Variants in NUDCD3 observed in about 807,000 individuals in gnomAD.
NUDCD3 encodes the protein NudC domain containing 3, also known as nudC domain-containing protein 3.
A neutral mutation model predicts 39.7 loss-of-function variants in NUDCD3; 13 were observed. The observed-to-expected ratio is 0.33, with a 90% CI of 0.21 to 0.52. The LOEUF (loss-of-function observed/expected upper bound fraction) is 0.52, where lower values mean the gene tolerates loss of function less well. NUDCD3 is among the 20% of genes least tolerant of loss of function. NUDCD3 has a pLI of 0.96. For missense variants in NUDCD3, 453 were observed against 458.1 expected (o/e 0.99, Z 0.10); for synonymous variants, 175 against 172.4 (o/e 1.02, Z -0.12).
intron 5 of NUDCD3, 59 bp downstream of exon 5, chr7:44,392,238 G>T: frequency 6.6e-7 from 1 of 1,514,094 alleles, no homozygotes; most frequent in Non-Finnish European, 9.1e-7. Flanking sequence ...GCCACTATCG[G>T]CCTTGTCACC....
At chr7:44,405,515 T>G (rs1273371566) in intron 3 of NUDCD3, among the ~76,000 whole-genome samples, 2 of 152,238 alleles carry the variant, frequency 1.3e-5, no homozygotes, top group Non-Finnish European at 2.9e-5. Context: ...CTGTATAATG[T>G]ATGCATTAAG....
At chr7:44,456,021 G>A (rs1212040104) in intron 2 of NUDCD3, among the ~76,000 whole-genome samples, 8 of 69,502 alleles carry the variant, frequency 1.2e-4, no homozygotes, top group Middle Eastern at 0.019. Flanking sequence ...GCGAGACTCC[G>A]TCTCAAAAAA....
intron 2 of NUDCD3, among the ~76,000 whole-genome samples, chr7:44,459,054 T>C (rs893817952): frequency 5.3e-5 from 8 of 151,664 alleles, no homozygotes; most frequent in African/African-American, 1.9e-4. Context: ...CACAGTATAT[T>C]GACAATGGCT....
intron 2 of NUDCD3, among the ~76,000 whole-genome samples, chr7:44,447,200 T>C (rs886955844): frequency 1.3e-5 from 2 of 152,234 alleles, no homozygotes; most frequent in Non-Finnish European, 2.9e-5. Context: ...GGATGGTCCG[T>C]GCAAGTTTGA....
chr7:44,436,903 A>C (rs1169649034), intron 2 of NUDCD3, among the ~76,000 whole-genome samples: 1 of 152,154 alleles, frequency 6.6e-6, no homozygotes, highest in Non-Finnish European at 1.5e-5. Context: ...TCTTCATTTT[A>C]ATATAGTCAA....
intron 2 of NUDCD3, among the ~76,000 whole-genome samples, chr7:44,471,450 T>C (rs192588231): frequency 6.6e-6 from 1 of 152,330 alleles, no homozygotes; most frequent in Admixed American, 6.5e-5. Flanking sequence ...CTGTACATGG[T>C]AACAACCAGC....
At chr7:44,465,409 G>C (rs1448342204) in intron 2 of NUDCD3, among the ~76,000 whole-genome samples, 1 of 152,206 alleles carries the variant, frequency 6.6e-6, no homozygotes, top group Non-Finnish European at 1.5e-5. Flanking sequence ...CACCCACTGA[G>C]ACTGATGTGG....
At chr7:44,482,929 A>C (rs532894424) in intron 2 of NUDCD3, among the ~76,000 whole-genome samples, 1 of 152,332 alleles carries the variant, frequency 6.6e-6, no homozygotes, top group South Asian at 2.1e-4. Flanking sequence ...AGGGCTAAAA[A>C]ATAAACTATC....
At chr7:44,484,697 G>A (rs1800567828) in intron 2 of NUDCD3, 3 of 378,246 alleles carry the variant, frequency 7.9e-6, no homozygotes, top group African/African-American at 4.1e-5. Context: ...TTAGGTCTTT[G>A]TGAGAGGAGT....
intron 2 of NUDCD3, among the ~76,000 whole-genome samples, chr7:44,459,143 T>A (rs1236781894): frequency 6.6e-6 from 1 of 152,168 alleles, no homozygotes; most frequent in Non-Finnish European, 1.5e-5. Context: ...GTTTTAAAAA[T>A]TTATTCCTAA....
chr7:44,434,338 G>T (rs1254769194), intron 2 of NUDCD3, among the ~76,000 whole-genome samples: 1 of 152,046 alleles, frequency 6.6e-6, no homozygotes, highest in East Asian at 1.9e-4. Flanking sequence ...CTTACAAAGG[G>T]ACAGGCTGGA....
chr7:44,402,046 G>A (rs1252165326), intron 4 of NUDCD3, among the ~76,000 whole-genome samples: 2 of 152,292 alleles, frequency 1.3e-5, no homozygotes, highest in Admixed American at 6.5e-5. Context: ...CAGCTGAAAC[G>A]GAGCAATGCT....
intron 3 of NUDCD3, among the ~76,000 whole-genome samples, chr7:44,419,815 A>AC (rs1176072498): frequency 1.3e-5 from 2 of 151,964 alleles, no homozygotes; most frequent in Non-Finnish European, 2.9e-5. Flanking sequence ...AAAAAAAAGG[A>AC]CCCCCACACA....
At chr7:44,470,581 A>G (rs998492493) in intron 2 of NUDCD3, among the ~76,000 whole-genome samples, 27 of 152,334 alleles carry the variant, frequency 1.8e-4, no homozygotes, top group African/African-American at 6.0e-4. Flanking sequence ...CGTGGCTCAG[A>G]GAGCACAAGG....
chr7:44,473,704 C>T (rs1020825299), intron 2 of NUDCD3, among the ~76,000 whole-genome samples: 1 of 152,170 alleles, frequency 6.6e-6, no homozygotes, highest in Non-Finnish European at 1.5e-5. Context: ...ACATACTCTC[C>T]TAACTTTCAA....
At chr7:44,478,245 G>A (rs1298579432) in intron 2 of NUDCD3, among the ~76,000 whole-genome samples, 1 of 152,158 alleles carries the variant, frequency 6.6e-6, no homozygotes, top group Admixed American at 6.6e-5. Context: ...CTTCTCTGAG[G>A]AATAAGATGG....
chr7:44,452,802 C>T (rs1470120163), intron 2 of NUDCD3, among the ~76,000 whole-genome samples: 2 of 152,188 alleles, frequency 1.3e-5, no homozygotes, highest in African/African-American at 2.4e-5. Context: ...TAAGACAGAA[C>T]TCACACACAC....
intron 2 of NUDCD3, among the ~76,000 whole-genome samples, chr7:44,456,025 CAAAAAAAAA>C (rs1233592095): frequency 1.1e-4 from 3 of 28,500 alleles, no homozygotes; most frequent in Non-Finnish European, 1.7e-4. Context: ...GACTCCGTCT[CAAAAAAAAA>C]AAAAAAAAAA....
intron 4 of NUDCD3, among the ~76,000 whole-genome samples, chr7:44,394,920 A>G (rs1427144272): frequency 2.6e-5 from 4 of 152,190 alleles, no homozygotes. Flanking sequence ...ACAGTGGGAG[A>G]TGGACCTGAA....
Sources: allele counts gnomAD v4.1 joint callset (sites outside exome capture counted in the v4.1 genomes callset), GRCh38; gene constraint gnomAD v4.1.1; transcripts MANE v1.5; gene names NCBI Gene and HGNC (gene_info 2026-07-23, HGNC 2026-07-21).